Variants in WDR33 observed in about 807,000 individuals in gnomAD.
The protein encoded by WDR33 is WD repeat domain 33.
Under a neutral mutation model 164.9 loss-of-function variants are expected in WDR33, and 47 were observed. The ratio of observed to expected loss-of-function variants is 0.29; its 90% CI spans 0.23 to 0.36. The LOEUF (loss-of-function observed/expected upper bound fraction) is 0.36. WDR33 is among the 10% of genes least tolerant of loss of function. WDR33 has a pLI of 1.00. For synonymous variants in WDR33, 505 were observed against 589.0 expected, an observed-to-expected ratio of 0.86 and a Z score of 2.06; for missense variants, 1,137 against 1,754.1, an observed-to-expected ratio of 0.65 and a Z score of 6.28.
Position 127,701,921 on chromosome 2 carries a change from G to A in WDR33, c.*4402C>T, listed in dbSNP as rs1303265900. 2 of 1,443,604 alleles carry A rather than the reference G, an allele frequency of 1.4e-6. No homozygotes were observed. Among genetic ancestry groups the A allele is most frequent in the South Asian group, 1.3e-5 (1 of 74,768 alleles). 89.4% of individuals were successfully genotyped at this position (1,443,604 alleles called of 1,614,324 possible). ...GCGCGCTGCTGCGGGGCGGCGCGGC[G>A]TGCGGACGCCTGCTGCGCTGCGAAG... On this transcript the variant is annotated 3_prime_UTR_variant, in exon 22 of 22. Transcript: ENST00000322313.
intron 1 of WDR33, among the ~76,000 whole-genome samples, chr2:127,777,086 A>G (rs1382392505): frequency 1.3e-5 from 2 of 152,264 alleles, no homozygotes; most frequent in Admixed American, 1.3e-4. Flanking sequence ...ACTGAGGTAG[A>G]GAAAAGACAA....
chr2:127,754,715 G>A (rs184294162), intron 7 of WDR33, among the ~76,000 whole-genome samples: 44 of 150,654 alleles, frequency 2.9e-4, no homozygotes, highest in African/African-American at 1.0e-3. Context: ...GAGCTATTGT[G>A]CCTGGCCACA....
rs1685874430 is a variant in WDR33 at position 127,701,459 on chromosome 2, G to C, written c.*4864C>G. On this transcript the variant is annotated 3_prime_UTR_variant, in exon 22 of 22. Coordinates refer to ENST00000322313, the MANE Select transcript of WDR33 (RefSeq NM_018383.5). ...CGTCGCCGACCAATTGCCGCCCGAA[G>C]ACCGAACCGCTTCAGCGGAGGGCCG... 3 of 1,234,180 alleles carry C rather than the reference G, an allele frequency of 2.4e-6. No homozygotes were observed. In the African/African-American group the frequency reaches 4.7e-5, roughly 19 times the overall value. The allele number at this position is 1,234,180 out of a possible 1,614,324, so 76.5% of individuals were successfully genotyped here.
chr2:127,809,587 C>T (rs562760192), intron 1 of WDR33, among the ~76,000 whole-genome samples: 1 of 152,006 alleles, frequency 6.6e-6, no homozygotes, highest in Non-Finnish European at 1.5e-5. Context: ...AGGCGCCCAC[C>T]ACCACACCCA....
intron 7 of WDR33, among the ~76,000 whole-genome samples, chr2:127,755,069 G>C (rs1687482428): frequency 6.6e-6 from 1 of 152,042 alleles, no homozygotes; most frequent in African/African-American, 2.4e-5. Flanking sequence ...CTAAAACACA[G>C]GATTGTTTTT....
At chr2:127,788,536 C>A in intron 1 of WDR33, among the ~76,000 whole-genome samples, 1 of 122,808 alleles carries the variant, frequency 8.1e-6, no homozygotes, top group Non-Finnish European at 1.7e-5. Flanking sequence ...ACCCCCCCAT[C>A]TCCCTCCCGG....
intron 1 of WDR33, among the ~76,000 whole-genome samples, chr2:127,782,393 T>C (rs1040857060): frequency 8.6e-5 from 13 of 151,986 alleles, no homozygotes; most frequent in Admixed American, 3.9e-4. Flanking sequence ...GGGCATGATC[T>C]CAAATTTGCA....
At chr2:127,778,622 C>A (rs112099888) in intron 1 of WDR33, among the ~76,000 whole-genome samples, 110 of 152,166 alleles carry the variant, frequency 7.2e-4, no homozygotes, top group African/African-American at 2.5e-3. Flanking sequence ...GACACTACTA[C>A]GCTGTGTGAG....
rs761589120 is a variant in WDR33, at chr2:127,708,928, C to T, written c.3566-36G>A. ...AAACAAATCTCCTTACAGGAAAGCA[C>T]AGTGTGACCAGAAGTAGATGGGAAT... On this transcript the variant is annotated intron_variant, in intron 20 of 21. Transcript: ENST00000322313. The surrounding 1 kb of genome is among the most constrained non-coding windows in gnomAD (Gnocchi z 6.7). 6 of 1,510,226 alleles carry T rather than the reference C, an allele frequency of 4.0e-6. No individual in the cohort carries two copies. Among genetic ancestry groups the T allele is most frequent in the East Asian group, 2.3e-5 (1 of 43,248 alleles). The allele number at this position is 1,510,226 out of a possible 1,614,324, so 93.6% of individuals were successfully genotyped here.
chr2:127,760,771 T>C (rs1187326501), intron 7 of WDR33, among the ~76,000 whole-genome samples: 1 of 152,112 alleles, frequency 6.6e-6, no homozygotes, highest in Non-Finnish European at 1.5e-5. Context: ...GTAAAGTAAG[T>C]AGAATTTTTT....
chr2:127,734,645 CT>C (rs1686794981), intron 7 of WDR33, among the ~76,000 whole-genome samples: 1 of 152,148 alleles, frequency 6.6e-6, no homozygotes, highest in Non-Finnish European at 1.5e-5. Flanking sequence ...GTTATTGGTG[CT>C]CAACCTCTCA....
chr2:127,738,014 G>A lies in WDR33; in HGVS notation c.725-11237C>T. On this transcript the variant is annotated intron_variant, in intron 7 of 21. Coordinates refer to ENST00000322313, the MANE Select transcript of WDR33 (RefSeq NM_018383.5). The surrounding 1 kb of genome is among the most constrained non-coding windows in gnomAD (Gnocchi z 4.4). ...GTCCACCTACTGTTATTCACCTCTT[G>A]ACAGAAAGGAAGTAACAACGGCAGT... 1 of 1,613,104 alleles carries A rather than the reference G, an allele frequency of 6.2e-7. No individual in the cohort carries two copies. The highest frequency in any genetic ancestry group is 8.5e-7 in the Non-Finnish European group (1 of 1,179,562).
rs540717538 is a variant in WDR33 at position 127,710,925 on chromosome 2, G to A, written c.3309-1069C>T. 3.9e-5 allele frequency among the ~76,000 whole-genome samples: 6 copies of A among 152,234 alleles called. No homozygotes were observed. The South Asian group carries it at 8.3e-4, about 21-fold the overall frequency. ...ATCCCTTCTTAATATTTTGCCACAC[G>A]TGCTTTATCTTCTCCGTCCAGCTAC... On this transcript the variant is annotated intron_variant, in intron 18 of 21. Coordinates refer to ENST00000322313, the MANE Select transcript of WDR33 (RefSeq NM_018383.5). This position sits in a 1 kb window ranked among gnomAD's most constrained non-coding sequence, Gnocchi z 4.4.
rs1023279009 is a variant in WDR33, at chr2:127,726,122, T to C, written c.851+529A>G. ...CCAATCAGAAAGACCAGGAAATGGA[T>C]GCTTGGTCAAAAAAATGTTAACATA... On this transcript the variant is annotated intron_variant, in intron 8 of 21. Transcript: ENST00000322313. This position sits in a 1 kb window ranked among gnomAD's most constrained non-coding sequence, Gnocchi z 4.8. Among the ~76,000 whole-genome samples, 2 of 152,164 alleles carry C rather than the reference T, an allele frequency of 1.3e-5. No individual in the cohort carries two copies. The highest frequency in any genetic ancestry group is 2.4e-5 in the African/African-American group (1 of 41,446).
At position 127,717,231 on chromosome 2, in the gene WDR33, T is replaced by C; in HGVS notation, c.2793A>G (p.Ile931Met). The C allele has an allele frequency of 6.2e-7, 1 of 1,605,312 alleles. No individual in the cohort carries two copies. Among genetic ancestry groups the C allele is most frequent in the African/African-American group, 1.3e-5 (1 of 74,712 alleles). The change falls in exon 17 of 22, where the codon ATA becomes ATG. Residue 931 changes from isoleucine (I) to methionine (M), a missense_variant. Around this residue, in one of 9 missense-constraint regions of WDR33, gnomAD observed 867 missense variants for 1,073.0 expected, o/e 0.81. Coordinates refer to ENST00000322313, the MANE Select transcript of WDR33 (RefSeq NM_018383.5). This position sits in a 1 kb window ranked among gnomAD's most constrained non-coding sequence, Gnocchi z 5.6. ...EGQSTGPPPLIPGLGQQGAQG... is the reference protein window; with the variant it reads ...EGQSTGPPPLMPGLGQQGAQG... ...GTGCTCCCTGCTGCCCTAGGCCTGGTATCAGGGGTGGGGGGCCTGTGCTCT... is the reference window on the plus strand; with the variant it reads ...GTGCTCCCTGCTGCCCTAGGCCTGGCATCAGGGGTGGGGGGCCTGTGCTCT...
Position 127,719,154 on chromosome 2 carries a change from C to T in WDR33, c.2760+111G>A. The T allele has an allele frequency of 6.3e-6, 8 of 1,266,486 alleles. No homozygotes were observed. The highest frequency in any genetic ancestry group is 8.1e-6 in the Non-Finnish European group (8 of 991,318). The allele number at this position is 1,266,486 out of a possible 1,614,324, so 78.5% of individuals were successfully genotyped here. On this transcript the variant is annotated intron_variant, in intron 16 of 21. Transcript: ENST00000322313. The surrounding 1 kb of genome is among the most constrained non-coding windows in gnomAD (Gnocchi z 6.5). Reference sequence around the variant, plus strand: ...CTAGTATCTTAAGCTACTGTCACTACTTGATAAGTATTTATATCCAGCTGT... The same window carrying T: ...CTAGTATCTTAAGCTACTGTCACTATTTGATAAGTATTTATATCCAGCTGT...
intron 7 of WDR33, among the ~76,000 whole-genome samples, chr2:127,753,354 A>G (rs1687427155): frequency 6.6e-6 from 1 of 152,276 alleles, no homozygotes; most frequent in African/African-American, 2.4e-5. Flanking sequence ...GCTTATAAAT[A>G]TAAAAGCCTA....
At chr2:127,784,261 C>T (rs939454427) in intron 1 of WDR33, among the ~76,000 whole-genome samples, 4 of 152,156 alleles carry the variant, frequency 2.6e-5, no homozygotes, top group Non-Finnish European at 5.9e-5. Flanking sequence ...ATTTATACAT[C>T]TAGAAAAGAG....
chr2:127,807,391 A>G (rs1689478378), intron 1 of WDR33, among the ~76,000 whole-genome samples: 1 of 152,240 alleles, frequency 6.6e-6, no homozygotes, highest in Non-Finnish European at 1.5e-5. Flanking sequence ...CTAAGTTGAG[A>G]GCAAACAGAG....
Sources: allele counts gnomAD v4.1 joint callset (sites outside exome capture counted in the v4.1 genomes callset), GRCh38; gene constraint gnomAD v4.1.1; regional missense constraint gnomAD v4.1.1; non-coding constraint Gnocchi (gnomAD v3.1); transcripts MANE v1.5; gene names NCBI Gene and HGNC (gene_info 2026-07-23, HGNC 2026-07-21).